Variants in SIAH3 observed in about 807,000 individuals in gnomAD.
SIAH3 encodes siah E3 ubiquitin protein ligase family member 3.
In SIAH3, 9 loss-of-function variants were observed where a neutral mutation model predicts 12.6. The ratio of observed to expected loss-of-function variants is 0.72; its 90% CI spans 0.43 to 1.25. SIAH3 has a LOEUF of 1.25. Among genes scored for constraint, SIAH3 ranks in the 50% most tolerant of loss-of-function variants. SIAH3 has a pLI of 0.00. For synonymous variants in SIAH3, 154 were observed against 151.1 expected (o/e 1.02, Z -0.14); for missense variants, 390 against 365.4 (o/e 1.07, Z -0.55).
chr13:45,783,951 A>AGGTGGTGGT lies in SIAH3; in HGVS notation c.233_241dup (p.His78_His80dup). On this transcript the variant is annotated inframe_insertion, in exon 2 of 2. Coordinates refer to ENST00000400405, the MANE Select transcript of SIAH3 (RefSeq NM_198849.3). The stretch of plus-strand genomic sequence containing the variant: ...GTGGTGGGGGTGGGCGTGGTGGCGG[A>AGGTGGTGGT]GGTGGTGGTGGTGGCGGTGGTGGCA... 1.2e-6 allele frequency: 2 copies of AGGTGGTGGT among 1,601,382 alleles called. No individual in the cohort carries two copies. Among genetic ancestry groups the AGGTGGTGGT allele is most frequent in the Non-Finnish European group, 1.7e-6 (2 of 1,172,756 alleles).
intron 1 of SIAH3, among the ~76,000 whole-genome samples, chr13:45,795,508 C>G (rs1428444287): frequency 6.6e-6 from 1 of 152,208 alleles, no homozygotes; most frequent in Admixed American, 6.5e-5. Context: ...ACAAACTCCT[C>G]TGACAGCTTG....
chr13:45,842,939 C>G (rs1336210080), intron 1 of SIAH3, among the ~76,000 whole-genome samples: 1 of 152,110 alleles, frequency 6.6e-6, no homozygotes, highest in East Asian at 1.9e-4. Context: ...TCCGCACCCA[C>G]TGGGCTTCGC....
At chr13:45,839,057 C>T (rs1950729611) in intron 1 of SIAH3, among the ~76,000 whole-genome samples, 1 of 152,028 alleles carries the variant, frequency 6.6e-6, no homozygotes, top group Non-Finnish European at 1.5e-5. Flanking sequence ...TTTCGTTCCT[C>T]TTTGATTTTA....
intron 1 of SIAH3, among the ~76,000 whole-genome samples, chr13:45,813,895 C>T (rs1212985409): frequency 2.0e-5 from 3 of 152,132 alleles, no homozygotes; most frequent in Admixed American, 6.5e-5. Flanking sequence ...CTCTTAAAAA[C>T]ATTCCAAAGG....
At chr13:45,841,214 G>A (rs1950738971) in intron 1 of SIAH3, among the ~76,000 whole-genome samples, 1 of 152,216 alleles carries the variant, frequency 6.6e-6, no homozygotes, top group Non-Finnish European at 1.5e-5. Context: ...AGTCGTAGCT[G>A]TTAGATCCGA....
rs1950783303 is a variant in SIAH3 at position 45,851,749 on chromosome 13, T to C, written c.-120A>G. On this transcript the variant is annotated 5_prime_UTR_variant, in exon 1 of 2. The change creates a new upstream start codon in the 5' untranslated region. Coordinates refer to ENST00000400405, the MANE Select transcript of SIAH3 (RefSeq NM_198849.3). ...TCCAGCCCGGCTTAGCGCGCCTTCA[T>C]ATTCATCATCAAAATAAGACGGTTA... is the stretch of plus-strand genomic sequence containing the variant. 8.2e-7 allele frequency: 1 copy of C among 1,223,356 alleles called. No individual in the cohort carries two copies. The highest frequency in any genetic ancestry group is 2.8e-4 in the Middle Eastern group (1 of 3,586). 75.8% of individuals were successfully genotyped at this position (1,223,356 alleles called of 1,614,324 possible). A position where few individuals can be genotyped will look rare whatever the true frequency, so the allele number is the denominator to read the frequency against.
chr13:45,792,204 G>T (rs1950547667), intron 1 of SIAH3, among the ~76,000 whole-genome samples: 2 of 152,080 alleles, frequency 1.3e-5, no homozygotes, highest in African/African-American at 4.8e-5. Context: ...CTATTTCAGG[G>T]GTTGGGGTAT....
chr13:45,793,605 T>C (rs2137553135), intron 1 of SIAH3, among the ~76,000 whole-genome samples: 1 of 152,300 alleles, frequency 6.6e-6, no homozygotes, highest in African/African-American at 2.4e-5. Flanking sequence ...ACATGGTAGG[T>C]ACCCGGGAAG....
At chr13:45,839,305 A>G (rs1057288261) in intron 1 of SIAH3, among the ~76,000 whole-genome samples, 3 of 151,820 alleles carry the variant, frequency 2.0e-5, no homozygotes, top group Non-Finnish European at 2.9e-5. Flanking sequence ...GAGCATTTGC[A>G]TTTCCAATGT....
intron 1 of SIAH3, among the ~76,000 whole-genome samples, chr13:45,800,229 CTGTT>C (rs1449132135): frequency 6.6e-6 from 1 of 152,104 alleles, no homozygotes; most frequent in African/African-American, 2.4e-5. Flanking sequence ...GTCTTGTAAA[CTGTT>C]TTTTTTCTAC....
intron 1 of SIAH3, among the ~76,000 whole-genome samples, chr13:45,842,826 T>TC (rs1211605066): frequency 1.3e-5 from 2 of 152,110 alleles, no homozygotes; most frequent in African/African-American, 4.8e-5. Context: ...AACACCACTT[T>TC]CCCCACTTAA....
chr13:45,820,963 T>C (rs1042419320), intron 1 of SIAH3, among the ~76,000 whole-genome samples: 3 of 152,228 alleles, frequency 2.0e-5, no homozygotes, highest in African/African-American at 7.2e-5. Flanking sequence ...GTCTGTTGTT[T>C]CCTTCTCTGT....
intron 1 of SIAH3, among the ~76,000 whole-genome samples, chr13:45,790,945 G>A (rs1277070961): frequency 6.6e-6 from 1 of 152,192 alleles, no homozygotes; most frequent in African/African-American, 2.4e-5. Flanking sequence ...ACTTTGGGAG[G>A]CTGAGATGGG....
chr13:45,831,179 AAAATAAATAAAT>A (rs200362215), intron 1 of SIAH3, among the ~76,000 whole-genome samples: 5,317 of 142,616 alleles, frequency 0.037, 345 homozygotes, highest in African/African-American at 0.13. Context: ...ACTGTGCCTC[AAAATAAATAAAT>A]AAATAAATAA....
At chr13:45,847,622 CGT>C (rs112078778) in intron 1 of SIAH3, among the ~76,000 whole-genome samples, 4,091 of 146,790 alleles carry the variant, frequency 0.028, 104 homozygotes, top group African/African-American at 0.073. Flanking sequence ...TCCATGTGTT[CGT>C]GTGTGTGTGT....
At chr13:45,784,407 T>TG (rs931605832) in intron 1 of SIAH3, among the ~76,000 whole-genome samples, 1 of 150,360 alleles carries the variant, frequency 6.7e-6, no homozygotes, top group African/African-American at 2.5e-5. Flanking sequence ...TGTTTTTTTT[T>TG]TTTTTTTTTT....
rs1950508326 is a variant in SIAH3, at chr13:45,782,502, A to C, written c.*881T>G. ...AACTTGATAATAAAACTCTCTGAGG[A>C]GGGAGTGCCCTCTCAGAGATGGGAG... On this transcript the variant is annotated 3_prime_UTR_variant, in exon 2 of 2. Coordinates refer to ENST00000400405, the MANE Select transcript of SIAH3 (RefSeq NM_198849.3). 1 of 152,192 alleles carries C rather than the reference A, an allele frequency of 6.6e-6. No individual in the cohort carries two copies. Among genetic ancestry groups the C allele is most frequent in the Non-Finnish European group, 1.5e-5 (1 of 68,034 alleles). 9.4% of individuals were successfully genotyped at this position (152,192 alleles called of 1,614,324 possible).
chr13:45,812,737 G>A (rs1417001162), intron 1 of SIAH3, among the ~76,000 whole-genome samples: 1 of 152,128 alleles, frequency 6.6e-6, no homozygotes, highest in Non-Finnish European at 1.5e-5. Flanking sequence ...CTTTCACTGA[G>A]TGTTGAGAAT....
At chr13:45,785,373 C>T (rs1300415361) in intron 1 of SIAH3, among the ~76,000 whole-genome samples, 1 of 152,214 alleles carries the variant, frequency 6.6e-6, no homozygotes, top group African/African-American at 2.4e-5. Context: ...GGGCACTTGC[C>T]TCCTCACCCT....
Sources: gnomAD v4.1 joint callset for allele counts (sites outside exome capture counted in the v4.1 genomes callset) on GRCh38, gnomAD v4.1.1 for gene constraint, MANE v1.5 for transcripts, NCBI Gene and HGNC (gene_info 2026-07-23, HGNC 2026-07-21) for gene names.